The following ARSB variants were observed in gnomAD, a reference collection of about 807,000 sequenced individuals.
ARSB encodes the protein arylsulfatase B, also known as N-acetylgalactosamine-4-sulfatase.
In ARSB, 41 loss-of-function variants were observed where a neutral mutation model predicts 50.9. The ratio of observed to expected loss-of-function variants is 0.81; its 90% CI spans 0.63 to 1.04. The LOEUF (loss-of-function observed/expected upper bound fraction) is 1.04, where lower values mean the gene tolerates loss of function less well. Ranked by LOEUF, ARSB falls within the 50% of genes least tolerant of loss-of-function variation. The pLI, the probability that ARSB is intolerant of heterozygous loss-of-function variation, is 0.00. For synonymous variants in ARSB, 269 were observed against 284.8 expected (o/e 0.94, Z 0.56); for missense variants, 672 against 693.3 (o/e 0.97, Z 0.35).
At chr5:78,943,214 T>G (rs1751027049) in intron 4 of ARSB, among the ~76,000 whole-genome samples, 1 of 152,238 alleles carries the variant, frequency 6.6e-6, no homozygotes. Flanking sequence ...AGCATACTGA[T>G]GGGTCTTGAC....
At chr5:78,955,267 G>C (rs1175833574) in intron 4 of ARSB, 28 bp downstream of exon 4, 1 of 1,608,872 alleles carries the variant, frequency 6.2e-7, no homozygotes. Flanking sequence ...GCTTTGCCAA[G>C]AGATGATTTT....
chr5:78,840,309 C>T (rs1321927337), intron 5 of ARSB, among the ~76,000 whole-genome samples: 1 of 152,092 alleles, frequency 6.6e-6, no homozygotes, highest in African/African-American at 2.4e-5. Flanking sequence ...ACTGTTAACA[C>T]CACAGGATTC....
In ARSB at chr5:78,869,592, G is replaced by A. The variant is rs1385672904; in HGVS notation, c.1142+15992C>T. 8.6e-5 allele frequency among the ~76,000 whole-genome samples: 13 copies of A among 151,836 alleles called. No homozygotes were observed. In the East Asian group the frequency reaches 1.7e-3, roughly 20 times the overall value. ...GGTACATAACGAAATGAAGGCAGAA[G>A]TAAAGATGTTCTTTGAAACCAGCGA... On this transcript the variant is annotated intron_variant, in intron 5 of 7. Transcript: ENST00000264914.
At chr5:78,920,810 G>A (rs1472748516) in intron 4 of ARSB, among the ~76,000 whole-genome samples, 2 of 152,146 alleles carry the variant, frequency 1.3e-5, no homozygotes, top group African/African-American at 4.8e-5. Context: ...TCTCCCCAGA[G>A]GACAACTGCT....
At chr5:78,870,258 T>C (rs1407297555) in intron 5 of ARSB, among the ~76,000 whole-genome samples, 3 of 125,354 alleles carry the variant, frequency 2.4e-5, no homozygotes, top group Admixed American at 8.6e-5. Context: ...GGTACCATTC[T>C]TTCTGAAACT....
chr5:78,977,206 T>G (rs564135980), intron 1 of ARSB, among the ~76,000 whole-genome samples: 13 of 148,256 alleles, frequency 8.8e-5, no homozygotes, highest in Admixed American at 2.0e-4. Context: ...CAGGCTGGAG[T>G]GCAGTGGCGC....
chr5:78,810,138 A>G (rs1275957936), intron 6 of ARSB, among the ~76,000 whole-genome samples: 1 of 152,224 alleles, frequency 6.6e-6, no homozygotes, highest in Non-Finnish European at 1.5e-5. Context: ...CTGGCCTCCT[A>G]GAACCTCCCT....
chr5:78,785,545 A>T (rs899047459), intron 6 of ARSB, among the ~76,000 whole-genome samples: 3 of 148,304 alleles, frequency 2.0e-5, no homozygotes, highest in Non-Finnish European at 2.9e-5. Flanking sequence ...AATCTACTTT[A>T]TCTGATGTAT....
intron 1 of ARSB, among the ~76,000 whole-genome samples, chr5:78,984,654 C>T (rs1753064194): frequency 6.6e-6 from 1 of 152,040 alleles, no homozygotes; most frequent in Non-Finnish European, 1.5e-5. Context: ...TCCCATAAAC[C>T]CCTTCGCCCG....
chr5:78,873,530 CTGTCGCCCAGGCTGGAG>C (rs1317983105), intron 5 of ARSB, among the ~76,000 whole-genome samples: 1 of 73,736 alleles, frequency 1.4e-5, no homozygotes, highest in Non-Finnish European at 2.7e-5. Context: ...GAGTCTCGCT[CTGTCGCCCAGGCTGGAG>C]TGCAGTGGCG....
intron 5 of ARSB, among the ~76,000 whole-genome samples, chr5:78,871,011 T>C (rs1352136704): frequency 6.6e-6 from 1 of 151,108 alleles, no homozygotes; most frequent in African/African-American, 2.4e-5. Context: ...AGCATTCCTA[T>C]ACACCAACAA....
chr5:78,858,836 T>A (rs1194556773), intron 5 of ARSB, among the ~76,000 whole-genome samples: 1 of 152,226 alleles, frequency 6.6e-6, no homozygotes, highest in East Asian at 1.9e-4. Context: ...TCTTACAATG[T>A]TCCAGGCATG....
At chr5:78,908,570 G>A (rs1008550687) in intron 4 of ARSB, among the ~76,000 whole-genome samples, 3 of 152,050 alleles carry the variant, frequency 2.0e-5, no homozygotes, top group South Asian at 2.1e-4. Flanking sequence ...CAGCCTGGCC[G>A]GAACACCAAC....
chr5:78,856,870 C>T (rs1338804326), intron 5 of ARSB, among the ~76,000 whole-genome samples: 2 of 152,212 alleles, frequency 1.3e-5, no homozygotes, highest in Non-Finnish European at 2.9e-5. Context: ...GAAGACATCA[C>T]TCTCTCATAA....
chr5:78,778,039 G>A lies in ARSB; in HGVS notation c.*2358C>T, dbSNP rs1206925088. 6.6e-6 allele frequency: 1 copy of A among 152,140 alleles called. No homozygotes were observed. Among genetic ancestry groups the A allele is most frequent in the African/African-American group, 2.4e-5 (1 of 41,420 alleles). The allele number at this position is 152,140 out of a possible 1,614,324, so 9.4% of individuals were successfully genotyped here. A position where few individuals can be genotyped will look rare whatever the true frequency, so the allele number is the denominator to read the frequency against. ...AAAACTCTTTTGAAGTCCACTGGGT[G>A]CAGAACATCCCCCACTGTGCCTGAA... On this transcript the variant is annotated 3_prime_UTR_variant, in exon 8 of 8. Transcript: ENST00000264914.
At chr5:78,852,296 T>C (rs1245955858) in intron 5 of ARSB, among the ~76,000 whole-genome samples, 3 of 152,196 alleles carry the variant, frequency 2.0e-5, no homozygotes, top group African/African-American at 7.2e-5. Context: ...TATAGTATTT[T>C]ATTTCTCCTT....
intron 4 of ARSB, among the ~76,000 whole-genome samples, chr5:78,947,716 C>G (rs1188418049): frequency 6.6e-6 from 1 of 152,176 alleles, no homozygotes; most frequent in Non-Finnish European, 1.5e-5. Context: ...CTATGGAGAA[C>G]AGTTTGGAGG....
At chr5:78,826,914 G>A (rs1278639258) in intron 6 of ARSB, among the ~76,000 whole-genome samples, 1 of 152,128 alleles carries the variant, frequency 6.6e-6, no homozygotes, top group African/African-American at 2.4e-5. Flanking sequence ...GCTGCCATGG[G>A]TCAGGAGCAT....
chr5:78,929,184 A>G (rs1333226583), intron 4 of ARSB, among the ~76,000 whole-genome samples: 2 of 152,114 alleles, frequency 1.3e-5, no homozygotes, highest in East Asian at 3.9e-4. Flanking sequence ...GAATCCACGC[A>G]TACTCCTGTA....
Sources: allele counts gnomAD v4.1 joint callset (sites outside exome capture counted in the v4.1 genomes callset), GRCh38; gene constraint gnomAD v4.1.1; transcripts MANE v1.5; gene names NCBI Gene and HGNC (gene_info 2026-07-23, HGNC 2026-07-21).